The following METTL15 variants were observed in gnomAD, a reference collection of about 807,000 sequenced individuals.
The protein encoded by METTL15 is methyltransferase 15, mitochondrial 12S rRNA N4-cytidine, also known as 12S rRNA N(4)-cytidine methyltransferase METTL15.
In METTL15, 34 loss-of-function variants were observed where a neutral mutation model predicts 38.3. The observed-to-expected ratio is 0.89, with a 90% CI of 0.68 to 1.18. METTL15 has a LOEUF of 1.18. Ranked by LOEUF, METTL15 falls within the 50% of genes most tolerant of loss-of-function variation. METTL15 has a pLI of 0.00. For synonymous variants in METTL15, 162 were observed against 170.9 expected, an observed-to-expected ratio of 0.95 and a Z score of 0.41; for missense variants, 438 against 498.4, an observed-to-expected ratio of 0.88 and a Z score of 1.15.
chr11:28,178,340 A>G (rs1851153879), intron 3 of METTL15, among the ~76,000 whole-genome samples: 1 of 151,984 alleles, frequency 6.6e-6, no homozygotes, highest in African/African-American at 2.4e-5. Flanking sequence ...TATTTTAACA[A>G]TTCGCTGCTA....
chr11:28,250,330 A>C (rs1430343394), intron 4 of METTL15, among the ~76,000 whole-genome samples: 1 of 152,054 alleles, frequency 6.6e-6, no homozygotes, highest in Admixed American at 6.6e-5. Context: ...ACTAATTTAC[A>C]TTACCACCAG....
chr11:28,259,818 T>C (rs1443938761), intron 4 of METTL15, among the ~76,000 whole-genome samples: 1 of 152,176 alleles, frequency 6.6e-6, no homozygotes, highest in Non-Finnish European at 1.5e-5. Context: ...CACCTGACTT[T>C]TGGTTCTTAT....
At chr11:28,502,414 T>C (rs2133492309) in intron 6 of METTL15, among the ~76,000 whole-genome samples, 1 of 152,300 alleles carries the variant, frequency 6.6e-6, no homozygotes, top group East Asian at 1.9e-4. Flanking sequence ...AGCAGGTGAA[T>C]ATGGTCTAAC....
chr11:28,159,224 T>C (rs1850366940), intron 3 of METTL15, among the ~76,000 whole-genome samples: 1 of 152,070 alleles, frequency 6.6e-6, no homozygotes, highest in Non-Finnish European at 1.5e-5. Flanking sequence ...CAGTGTTGGC[T>C]GGGGTGATTG....
chr11:28,143,962 T>G (rs1371656602), intron 3 of METTL15, among the ~76,000 whole-genome samples: 3 of 152,172 alleles, frequency 2.0e-5, no homozygotes, highest in Non-Finnish European at 2.9e-5. Flanking sequence ...TTTTTGACAT[T>G]TCATTTCCAG....
At position 28,338,591 on chromosome 11, in the gene METTL15, T is replaced by C. The variant is rs140872237; in HGVS notation, c.*190-13499T>C. The stretch of plus-strand genomic sequence containing the variant: ...TTTACAAGGTAGTTAGTCCTAGGAA[T>C]GTGCATGTAGTGAGGGTAATACTGT... On this transcript the variant is annotated intron_variant and NMD_transcript_variant, in intron 3 of 7. Transcript: ENST00000532947. 2.3e-3 allele frequency among the ~76,000 whole-genome samples: 347 copies of C among 152,222 alleles called. 3 individuals carry two copies. The highest frequency in any genetic ancestry group is 7.9e-3 in the African/African-American group (329 of 41,554).
chr11:28,112,629 G>A (rs1005183326), intron 2 of METTL15, among the ~76,000 whole-genome samples: 3 of 152,072 alleles, frequency 2.0e-5, no homozygotes, highest in Non-Finnish European at 2.9e-5. Context: ...TTTGGGTGCC[G>A]GGGACAGATA....
intron 4 of METTL15, among the ~76,000 whole-genome samples, chr11:28,270,722 T>C (rs1855609283): frequency 6.6e-6 from 1 of 152,190 alleles, no homozygotes; most frequent in South Asian, 2.1e-4. Context: ...GTCTGGCACA[T>C]AGTAATAACT....
intron 6 of METTL15, among the ~76,000 whole-genome samples, chr11:28,482,741 C>T (rs1851405685): frequency 6.6e-6 from 1 of 152,156 alleles, no homozygotes; most frequent in African/African-American, 2.4e-5. Flanking sequence ...GCTAGAAATG[C>T]AAATTTCTTG....
intron 4 of METTL15, among the ~76,000 whole-genome samples, chr11:28,219,497 T>A (rs1345171281): frequency 6.6e-6 from 1 of 152,200 alleles, no homozygotes; most frequent in South Asian, 2.1e-4. Context: ...TTGTTGACCT[T>A]TTCACAAAAC....
In METTL15 at chr11:28,333,301, T is replaced by TAAA. The variant is rs1849866284; in HGVS notation, c.*2460_*2461insAAA. The TAAA allele has an allele frequency of 2.6e-5, 4 of 152,300 alleles. No individual in the cohort carries two copies. The South Asian group carries it at 8.3e-4, about 32-fold the overall frequency. 9.4% of individuals were successfully genotyped at this position (152,300 alleles called of 1,614,324 possible). On this transcript the variant is annotated 3_prime_UTR_variant, in exon 7 of 7. Coordinates refer to ENST00000407364, the MANE Select transcript of METTL15 (RefSeq NM_001113528.2). ...CAAAATGTTTTCATGTAAAAATAAA[T>TAAA]TAACTTTTCTGTAATTAGATTGTGT...
chr11:28,480,934 C>CA (rs1851389966), intron 6 of METTL15, among the ~76,000 whole-genome samples: 1 of 151,602 alleles, frequency 6.6e-6, no homozygotes, highest in Admixed American at 6.6e-5. Flanking sequence ...TTTAATGGGA[C>CA]AAAAAAGGAG....
At chr11:28,470,017 C>CA (rs550938638) in intron 6 of METTL15, among the ~76,000 whole-genome samples, 1 of 141,470 alleles carries the variant, frequency 7.1e-6, no homozygotes, top group African/African-American at 2.5e-5. Flanking sequence ...GCACAAACTA[C>CA]AAAAAAACAA....
At chr11:28,379,066 G>T (rs1850353928) in intron 5 of METTL15, among the ~76,000 whole-genome samples, 1 of 151,740 alleles carries the variant, frequency 6.6e-6, no homozygotes, top group Non-Finnish European at 1.5e-5. Flanking sequence ...CAGTGGTTAT[G>T]TCTCCATTTT....
rs904437608 is a variant in METTL15, at chr11:28,192,766, C to T, written c.271-18296C>T. Among the ~76,000 whole-genome samples the T allele has an allele frequency of 3.3e-5, 5 of 151,712 alleles. No homozygotes were observed. The East Asian group carries it at 7.7e-4, about 24-fold the overall frequency. ...AGAGACCACTAATGTTATTAAATAC[C>T]CTATAATCCACAGGACAGCCTTTGA... On this transcript the variant is annotated intron_variant, in intron 3 of 6. Coordinates refer to ENST00000407364, the MANE Select transcript of METTL15 (RefSeq NM_001113528.2).
chr11:28,450,729 G>A (rs943368818), intron 6 of METTL15, among the ~76,000 whole-genome samples: 12 of 152,190 alleles, frequency 7.9e-5, no homozygotes, highest in Admixed American at 1.3e-4. Flanking sequence ...GTGTGGATAT[G>A]TATATGCACA....
intron 4 of METTL15, among the ~76,000 whole-genome samples, chr11:28,358,715 T>A (rs1244770657): frequency 6.6e-6 from 1 of 152,196 alleles, no homozygotes; most frequent in Admixed American, 6.5e-5. Flanking sequence ...ACTATGTGAT[T>A]TACTTTTGTC....
In METTL15 at chr11:28,214,670, A is replaced by G. The variant is rs528775137; in HGVS notation, c.407+3472A>G. Among the ~76,000 whole-genome samples the G allele has an allele frequency of 3.3e-5, 5 of 152,338 alleles. No homozygotes were observed. The East Asian group carries it at 9.6e-4, about 29-fold the overall frequency. ...TCCTAAAATGTGAAGTACTGTAACT[A>G]TTTAAGACAAAATTAGGATGTAAAT... On this transcript the variant is annotated intron_variant, in intron 4 of 6. Coordinates refer to ENST00000407364, the MANE Select transcript of METTL15 (RefSeq NM_001113528.2).
intron 5 of METTL15, among the ~76,000 whole-genome samples, chr11:28,389,472 A>G (rs1451873616): frequency 2.0e-5 from 3 of 146,500 alleles, no homozygotes; most frequent in Admixed American, 1.4e-4. Flanking sequence ...ATGAGTGAGA[A>G]CATGCGGTGT....
Sources: gnomAD v4.1 joint callset for allele counts (sites outside exome capture counted in the v4.1 genomes callset) on GRCh38, gnomAD v4.1.1 for gene constraint, MANE v1.5 for transcripts, NCBI Gene and HGNC (gene_info 2026-07-23, HGNC 2026-07-21) for gene names.